The following SYT16 variants were observed in gnomAD, a reference collection of about 807,000 sequenced individuals.
SYT16 encodes the protein synaptotagmin 16, also known as synaptotagmin-16.
In SYT16, 42 loss-of-function variants were observed where a neutral mutation model predicts 61.4. That is an observed-to-expected ratio of 0.68 (90% CI 0.53 to 0.89). The LOEUF (loss-of-function observed/expected upper bound fraction) is 0.89, where lower values mean the gene tolerates loss of function less well. SYT16 is among the 40% of genes least tolerant of loss of function. The pLI, the probability that SYT16 is intolerant of heterozygous loss-of-function variation, is 0.00. For synonymous variants in SYT16, 314 were observed against 302.3 expected (o/e 1.04, Z -0.40); for missense variants, 804 against 807.3 (o/e 1.00, Z 0.05).
intron 1 of SYT16, among the ~76,000 whole-genome samples, chr14:61,903,542 G>T (rs1223735463): frequency 6.6e-6 from 1 of 152,206 alleles, no homozygotes; most frequent in African/African-American, 2.4e-5. Context: ...TCAATATCAT[G>T]TAAATTCCAC....
At chr14:61,905,813 A>G (rs531327082) in intron 1 of SYT16, among the ~76,000 whole-genome samples, 1 of 148,604 alleles carries the variant, frequency 6.7e-6, no homozygotes, top group South Asian at 2.1e-4. Context: ...TCTGGAGTGT[A>G]GTGGTGTGAT....
intron 1 of SYT16, among the ~76,000 whole-genome samples, chr14:61,900,041 A>C (rs1221727229): frequency 6.6e-6 from 1 of 152,200 alleles, no homozygotes; most frequent in African/African-American, 2.4e-5. Context: ...TATTAATACA[A>C]CCAGACTTCA....
At chr14:62,091,325 A>G (rs2057064919) in intron 7 of SYT16, among the ~76,000 whole-genome samples, 1 of 152,220 alleles carries the variant, frequency 6.6e-6, no homozygotes, top group Non-Finnish European at 1.5e-5. Flanking sequence ...AGGAAAAAGC[A>G]ACTAAATGAT....
chr14:61,950,638 A>G (rs571469801), intron 1 of SYT16, among the ~76,000 whole-genome samples: 17 of 152,318 alleles, frequency 1.1e-4, no homozygotes, highest in African/African-American at 3.8e-4. Context: ...ACTTCGGCCC[A>G]CGTGGCAGCC....
intron 1 of SYT16, among the ~76,000 whole-genome samples, chr14:61,877,778 G>C (rs140367829): frequency 6.6e-6 from 1 of 152,132 alleles, no homozygotes; most frequent in Admixed American, 6.5e-5. Context: ...CTTCAGTTTG[G>C]GTGGGAACGT....
intron 2 of SYT16, among the ~76,000 whole-genome samples, chr14:61,994,605 A>G (rs2052687873): frequency 6.6e-6 from 1 of 152,186 alleles, no homozygotes; most frequent in African/African-American, 2.4e-5. Flanking sequence ...GGGAAGCCAT[A>G]GGACAAGTTT....
In SYT16 at chr14:61,955,714, G is replaced by A. The variant is rs1029702903; in HGVS notation, c.-324-14418G>A. Among the ~76,000 whole-genome samples the A allele has an allele frequency of 7.9e-5, 12 of 151,886 alleles. No homozygotes were observed. The East Asian group carries it at 1.2e-3, about 15-fold the overall frequency. ...ATTGATGGATACTTAGGTTGATTCC[G>A]TATCTTGGCTATTGTGAATAATACT... On this transcript the variant is annotated intron_variant, in intron 1 of 7. Coordinates refer to ENST00000683842, the MANE Select transcript of SYT16 (RefSeq NM_001367656.1).
At chr14:62,093,875 G>A (rs547666374) in intron 7 of SYT16, among the ~76,000 whole-genome samples, 1 of 152,144 alleles carries the variant, frequency 6.6e-6, no homozygotes, top group South Asian at 2.1e-4. Flanking sequence ...TGACTCAGGG[G>A]CTTCACACAG....
At chr14:61,835,291 A>G (rs1038287096) in intron 1 of SYT16, among the ~76,000 whole-genome samples, 1 of 133,590 alleles carries the variant, frequency 7.5e-6, no homozygotes, top group Non-Finnish European at 1.5e-5. Flanking sequence ...AGAGTCTCAC[A>G]TTGTCGCCCG....
At chr14:61,974,993 G>T (rs1025605771) in intron 2 of SYT16, among the ~76,000 whole-genome samples, 1 of 152,240 alleles carries the variant, frequency 6.6e-6, no homozygotes, top group African/African-American at 2.4e-5. Context: ...GCCCCAGCAG[G>T]TGTGGCCAGA....
Position 61,911,820 on chromosome 14 carries a change from G to A in SYT16, c.-324-58312G>A, listed in dbSNP as rs548661962. Among the ~76,000 whole-genome samples, 767 of 152,274 alleles carry A rather than the reference G, an allele frequency of 5.0e-3. 1 individual carries two copies. The highest frequency in any genetic ancestry group is 8.7e-3 in the Non-Finnish European group (589 of 68,012). On this transcript the variant is annotated intron_variant, in intron 1 of 7. Transcript: ENST00000683842. ...TGGAAGCAAATTATGGTTGCCAAGGGAACCAGCTCCTCTGCACCTCTCAGG... is the reference window on the plus strand; with the variant it reads ...TGGAAGCAAATTATGGTTGCCAAGGAAACCAGCTCCTCTGCACCTCTCAGG...
chr14:61,850,052 T>C (rs1216903789), intron 1 of SYT16, among the ~76,000 whole-genome samples: 1 of 152,208 alleles, frequency 6.6e-6, no homozygotes. Context: ...ACATCTGTTG[T>C]TTTTGACTTT....
chr14:62,016,802 T>C (rs148597816), intron 3 of SYT16, among the ~76,000 whole-genome samples: 13 of 152,322 alleles, frequency 8.5e-5, no homozygotes, highest in African/African-American at 3.1e-4. Context: ...ATAACTGCTA[T>C]GATTTTATCT....
At chr14:62,037,519 A>G (rs560616215) in intron 3 of SYT16, among the ~76,000 whole-genome samples, 9 of 152,332 alleles carry the variant, frequency 5.9e-5, no homozygotes, top group African/African-American at 1.4e-4. Flanking sequence ...AAACCAAACC[A>G]TCTAAAACTG....
chr14:61,838,746 A>T (rs1159063173), intron 1 of SYT16, among the ~76,000 whole-genome samples: 1 of 152,162 alleles, frequency 6.6e-6, no homozygotes. Flanking sequence ...GGACTCAAAA[A>T]CTCCAAACAT....
At chr14:61,859,424 T>C (rs1400338093) in intron 1 of SYT16, among the ~76,000 whole-genome samples, 1 of 151,922 alleles carries the variant, frequency 6.6e-6, no homozygotes, top group African/African-American at 2.4e-5. Context: ...ATTAAACCAA[T>C]CTGTGAGCCC....
intron 1 of SYT16, among the ~76,000 whole-genome samples, chr14:61,939,226 A>G (rs1205923620): frequency 1.3e-5 from 2 of 152,170 alleles, no homozygotes; most frequent in East Asian, 3.8e-4. Context: ...GAGGACCTTT[A>G]ATTATTCTCT....
In SYT16 at chr14:62,075,310, C is replaced by G; in HGVS notation, c.912C>G (p.Ser304Arg). Residue 304 changes from serine to arginine, a missense_variant, in exon 5 of 8, where the codon AGC (serine) becomes AGG (arginine). Coordinates refer to ENST00000683842, the MANE Select transcript of SYT16 (RefSeq NM_001367656.1). ...QSLRRQSTEG[S>R]LEMETAFNSR... ...TCAGGCGCCAATCCACAGAGGGCAG[C>G]TTGGAGATGGAGACAGCTTTTAATA... is the stretch of plus-strand genomic sequence containing the variant. The G allele has an allele frequency of 6.2e-7, 1 of 1,613,876 alleles. No homozygotes were observed. The highest frequency in any genetic ancestry group is 8.5e-7 in the Non-Finnish European group (1 of 1,179,830).
intron 7 of SYT16, among the ~76,000 whole-genome samples, chr14:62,093,186 A>G (rs1297896062): frequency 2.0e-5 from 3 of 152,128 alleles, no homozygotes; most frequent in Non-Finnish European, 4.4e-5. Context: ...GAGAGTAGAG[A>G]TTTTGATTAA....
Sources: gnomAD v4.1 joint callset for allele counts (sites outside exome capture counted in the v4.1 genomes callset) on GRCh38, gnomAD v4.1.1 for gene constraint, MANE v1.5 for transcripts, NCBI Gene and HGNC (gene_info 2026-07-23, HGNC 2026-07-21) for gene names.